The following LHFPL3 variants were observed in gnomAD, a reference collection of about 807,000 sequenced individuals.
The protein encoded by LHFPL3 is LHFPL tetraspan subfamily member 3 protein.
Under a neutral mutation model 19.3 loss-of-function variants are expected in LHFPL3, and 5 were observed. The observed-to-expected ratio is 0.26, with a 90% confidence interval of 0.14 to 0.54. The LOEUF is 0.54. LHFPL3 is among the 20% of genes least tolerant of loss of function. The pLI is 0.94. For synonymous variants in LHFPL3, 133 were observed against 126.2 expected, an observed-to-expected ratio of 1.05 and a Z score of -0.36; for missense variants, 249 against 307.4, an observed-to-expected ratio of 0.81 and a Z score of 1.42.
At chr7:104,398,405 A>C (rs1349185139) in intron 1 of LHFPL3, among the ~76,000 whole-genome samples, 1 of 152,224 alleles carries the variant, frequency 6.6e-6, no homozygotes, top group East Asian at 1.9e-4. Flanking sequence ...CTAGTCATCT[A>C]CTGCTGTTCT....
rs1183733733 is a variant in LHFPL3, at chr7:104,332,223, CTTTTTTT to C, written c.445+3017_445+3023del. On this transcript the variant is annotated intron_variant, in intron 1 of 2. Coordinates refer to ENST00000424859, the MANE Select transcript of LHFPL3 (RefSeq NM_199000.3). Reference sequence around the variant, plus strand: ...TAGAATATAAAATCCTATTTCTTTTCTTTTTTTTTTTTTTTTTTTTTTTTGAGATGGA... The same window carrying C: ...TAGAATATAAAATCCTATTTCTTTTCTTTTTTTTTTTTTTTTTGAGATGGA... Among the ~76,000 whole-genome samples the C allele has an allele frequency of 3.9e-4, 25 of 63,944 alleles. No homozygotes were observed. The East Asian group carries it at 6.7e-3, about 17-fold the overall frequency. 41.9% of individuals were successfully genotyped at this position (63,944 alleles called of 152,430 possible). A position where few individuals can be genotyped will look rare whatever the true frequency, so the allele number is the denominator to read the frequency against.
chr7:104,487,888 G>A (rs973756760), intron 1 of LHFPL3, among the ~76,000 whole-genome samples: 4 of 152,098 alleles, frequency 2.6e-5, no homozygotes, highest in African/African-American at 7.2e-5. Context: ...ATGTAGGGAG[G>A]GGCAAGGGTA....
intron 1 of LHFPL3, among the ~76,000 whole-genome samples, chr7:104,631,491 G>T (rs1256995799): frequency 6.6e-6 from 1 of 152,204 alleles, no homozygotes; most frequent in African/African-American, 2.4e-5. Context: ...GATAGAGGAA[G>T]AATGGGTTTA....
At chr7:104,840,872 CAA>C (rs1791189748) in intron 2 of LHFPL3, among the ~76,000 whole-genome samples, 1 of 151,888 alleles carries the variant, frequency 6.6e-6, no homozygotes, top group Non-Finnish European at 1.5e-5. Context: ...ACAGTTCATT[CAA>C]GTTTGAATAA....
At chr7:104,503,491 T>G (rs965531953) in intron 1 of LHFPL3, among the ~76,000 whole-genome samples, 1 of 152,194 alleles carries the variant, frequency 6.6e-6, no homozygotes, top group Non-Finnish European at 1.5e-5. Flanking sequence ...CTCAAGGCAA[T>G]TATTTCCCAA....
At chr7:104,582,559 AT>A (rs1362676284) in intron 1 of LHFPL3, among the ~76,000 whole-genome samples, 1 of 152,062 alleles carries the variant, frequency 6.6e-6, no homozygotes, top group Non-Finnish European at 1.5e-5. Flanking sequence ...GGGAGAAAGT[AT>A]CAATATTTCA....
chr7:104,820,418 C>T (rs1399593739), intron 2 of LHFPL3, among the ~76,000 whole-genome samples: 1 of 152,178 alleles, frequency 6.6e-6, no homozygotes, highest in African/African-American at 2.4e-5. Flanking sequence ...GATACATTTT[C>T]ATAAGCCAAC....
intron 1 of LHFPL3, among the ~76,000 whole-genome samples, chr7:104,481,227 G>A (rs1410444900): frequency 2.0e-5 from 3 of 152,082 alleles, no homozygotes; most frequent in Non-Finnish European, 4.4e-5. Flanking sequence ...TAATACTCCT[G>A]AATGAGTTCT....
intron 1 of LHFPL3, among the ~76,000 whole-genome samples, chr7:104,634,648 C>A (rs920819872): frequency 6.6e-6 from 1 of 152,168 alleles, no homozygotes; most frequent in Non-Finnish European, 1.5e-5. Flanking sequence ...ATGCTGGCAT[C>A]CAGAATCATA....
intron 1 of LHFPL3, among the ~76,000 whole-genome samples, chr7:104,467,842 C>T (rs978220222): frequency 6.6e-6 from 1 of 152,278 alleles, no homozygotes; most frequent in African/African-American, 2.4e-5. Context: ...TCATCCTGCT[C>T]CTCCTTCTCT....
intron 1 of LHFPL3, among the ~76,000 whole-genome samples, chr7:104,556,279 G>C (rs566866549): frequency 2.0e-5 from 3 of 152,248 alleles, no homozygotes; most frequent in Non-Finnish European, 4.4e-5. Context: ...TGCCCTAGCA[G>C]AGGTTCTCCA....
At chr7:104,531,524 G>A (rs1348934470) in intron 1 of LHFPL3, among the ~76,000 whole-genome samples, 3 of 152,070 alleles carry the variant, frequency 2.0e-5, no homozygotes, top group East Asian at 1.9e-4. Context: ...ACTTCAAAAG[G>A]CAATTCTTTT....
chr7:104,530,976 A>G (rs985409), intron 1 of LHFPL3, among the ~76,000 whole-genome samples: 58,440 of 152,030 alleles, frequency 0.38, 11,541 homozygotes, highest in Middle Eastern at 0.47. Flanking sequence ...GAAGTGCTTT[A>G]CAGTTATCTC....
At chr7:104,783,729 T>C (rs551809943) in intron 2 of LHFPL3, among the ~76,000 whole-genome samples, 1 of 152,324 alleles carries the variant, frequency 6.6e-6, no homozygotes, top group South Asian at 2.1e-4. Flanking sequence ...TACCTGACTC[T>C]AGCCCTGAAG....
At chr7:104,504,822 G>C (rs1390441460) in intron 1 of LHFPL3, among the ~76,000 whole-genome samples, 9 of 152,132 alleles carry the variant, frequency 5.9e-5, no homozygotes, top group Non-Finnish European at 1.2e-4. Flanking sequence ...TCACTGTGTT[G>C]CAATATTATA....
At chr7:104,616,551 G>A (rs1031640974) in intron 1 of LHFPL3, among the ~76,000 whole-genome samples, 18 of 152,196 alleles carry the variant, frequency 1.2e-4, no homozygotes, top group African/African-American at 4.3e-4. Context: ...GAAAACCTAG[G>A]CAATACCATT....
chr7:104,566,579 A>T (rs1584406909), intron 1 of LHFPL3, among the ~76,000 whole-genome samples: 1 of 152,166 alleles, frequency 6.6e-6, no homozygotes, highest in African/African-American at 2.4e-5. Context: ...TAAAACAGAG[A>T]TGTTAGAAGC....
intron 2 of LHFPL3, among the ~76,000 whole-genome samples, chr7:104,778,470 G>T (rs2116416341): frequency 6.6e-6 from 1 of 152,296 alleles, no homozygotes; most frequent in South Asian, 2.1e-4. Flanking sequence ...GAGCTCCCCA[G>T]ATTCCCATGG....
chr7:104,393,113 A>G (rs1479902746), intron 1 of LHFPL3, among the ~76,000 whole-genome samples: 1 of 152,202 alleles, frequency 6.6e-6, no homozygotes, highest in African/African-American at 2.4e-5. Context: ...GAAAACAATG[A>G]GATACCACTT....
Sources: allele counts gnomAD v4.1 joint callset (sites outside exome capture counted in the v4.1 genomes callset), GRCh38; gene constraint gnomAD v4.1.1; transcripts MANE v1.5; gene names NCBI Gene and HGNC (gene_info 2026-07-23, HGNC 2026-07-21).